ACO2: variants seen among roughly 807,000 people sequenced by gnomAD.
The protein encoded by ACO2 is aconitase 2.
In ACO2, 31 loss-of-function variants were observed where a neutral mutation model predicts 84.5. The observed-to-expected ratio is 0.37, with a 90% CI of 0.28 to 0.50. The LOEUF is 0.50. Among genes scored for constraint, ACO2 ranks in the 20% least tolerant of loss-of-function variants. The pLI is 0.97. For missense variants in ACO2, 685 were observed against 1,029.3 expected (o/e 0.67, Z 4.58); for synonymous variants, 414 against 412.7 (o/e 1.00, Z -0.04).
At chr22:41,490,661 A>G (rs548333479) in intron 1 of ACO2, among the ~76,000 whole-genome samples, 73 of 152,310 alleles carry the variant, frequency 4.8e-4, no homozygotes, top group African/African-American at 1.7e-3. Flanking sequence ...AATATGTATT[A>G]CCTAATTGTC....
intron 1 of ACO2, among the ~76,000 whole-genome samples, chr22:41,481,626 G>A (rs1178573672): frequency 2.0e-5 from 3 of 152,238 alleles, no homozygotes; most frequent in Non-Finnish European, 2.9e-5. Flanking sequence ...GGGGTTGTGG[G>A]GAGTTCTGAG....
At chr22:41,486,907 ACAGT>A (rs889934142) in intron 1 of ACO2, among the ~76,000 whole-genome samples, 2 of 144,356 alleles carry the variant, frequency 1.4e-5, no homozygotes, top group African/African-American at 5.1e-5. Context: ...TTTTTTTGAG[ACAGT>A]CTGTCTCTGT....
chr22:41,508,843 C>T (rs1390876797), intron 3 of ACO2, among the ~76,000 whole-genome samples: 1 of 152,174 alleles, frequency 6.6e-6, no homozygotes, highest in African/African-American at 2.4e-5. Flanking sequence ...CGGGGAGGGG[C>T]GTTGGCAGGA....
intron 3 of ACO2, among the ~76,000 whole-genome samples, chr22:41,508,411 C>T (rs1035775691): frequency 2.6e-5 from 4 of 152,224 alleles, no homozygotes; most frequent in African/African-American, 9.6e-5. Flanking sequence ...TTGCCAGCAT[C>T]CCATTTGCAC....
chr22:41,527,498 T>G, intron 16 of ACO2, 78 bp downstream of exon 16: 1 of 1,534,630 alleles, frequency 6.5e-7, no homozygotes, highest in Non-Finnish European at 8.8e-7. Flanking sequence ...CGTGGCTGAG[T>G]TGGGCCTGGT....
In ACO2 at chr22:41,515,936, C is replaced by T. The variant is rs746549269; in HGVS notation, c.835+19C>T. On this transcript the variant is annotated intron_variant, in intron 6 of 17. Transcript: ENST00000216254. This position sits in a 1 kb window ranked among gnomAD's most constrained non-coding sequence, Gnocchi z 5.8. ...TGCACTGGTGAGGAAGGCGGCCAGG[C>T]GACGTGGCCCCTACCCTGTGCTGGG... is the stretch of plus-strand genomic sequence containing the variant. The T allele has an allele frequency of 4.4e-6, 7 of 1,609,038 alleles. No individual in the cohort carries two copies. In the South Asian group the frequency reaches 4.4e-5, roughly 10 times the overall value.
chr22:41,470,897 T>A (rs1031999151), intron 1 of ACO2, among the ~76,000 whole-genome samples: 1 of 152,216 alleles, frequency 6.6e-6, no homozygotes, highest in African/African-American at 2.4e-5. Context: ...TGTTTCTTCC[T>A]GTCTCATGAT....
At chr22:41,503,952 G>A (rs890184533) in intron 2 of ACO2, among the ~76,000 whole-genome samples, 1 of 152,162 alleles carries the variant, frequency 6.6e-6, no homozygotes, top group African/African-American at 2.4e-5. Flanking sequence ...GGTAGCCCAC[G>A]CCTGTAATCC....
chr22:41,490,210 C>T (rs2066261987), intron 1 of ACO2, among the ~76,000 whole-genome samples: 1 of 152,110 alleles, frequency 6.6e-6, no homozygotes, highest in Non-Finnish European at 1.5e-5. Flanking sequence ...GTAGTCCCAG[C>T]TACTCAGTGG....
Position 41,518,547 on chromosome 22 carries a change from A to G in ACO2, c.1007A>G (p.Gln336Arg). Residue 336 changes from glutamine to arginine, a missense_variant, in exon 8 of 18, where the codon CAA becomes CGA. By Grantham distance (43) the Gln-to-Arg change is conservative. This residue lies in a region of ACO2 where 311 missense variants were observed against 441.6 expected (regional missense o/e 0.70). Transcript: ENST00000216254. ...LVPDPGCHYDQLIEINLSELK... is the reference protein window; with the variant it reads ...LVPDPGCHYDRLIEINLSELK... ...CCTGACCCTGGCTGCCATTATGACC[A>G]ACTAATTGAAATTAACCTCAGTGAG... 1.9e-6 allele frequency: 3 copies of G among 1,613,702 alleles called. No individual in the cohort carries two copies. The highest frequency in any genetic ancestry group is 2.5e-6 in the Non-Finnish European group (3 of 1,179,650).
intron 1 of ACO2, among the ~76,000 whole-genome samples, chr22:41,495,825 T>A (rs1382464380): frequency 6.6e-6 from 1 of 150,548 alleles, no homozygotes; most frequent in Non-Finnish European, 1.5e-5. Context: ...ACTGTCTCCA[T>A]CTCCTGACCT....
rs569483246 is a variant in ACO2, at chr22:41,497,344, C to T, written c.37-2382C>T. Among the ~76,000 whole-genome samples, 601 of 152,188 alleles carry T rather than the reference C, an allele frequency of 3.9e-3. 3 individuals carry two copies. The highest frequency in any genetic ancestry group is 6.9e-3 in the Non-Finnish European group (467 of 67,996). On this transcript the variant is annotated intron_variant, in intron 1 of 17. Transcript: ENST00000216254. ...TCAGCCTCCCAAAGTGCTGGGATTA[C>T]AGGTGTGAACCACTGCACCCGGCCT...
chr22:41,511,855 A>G (rs1279796643), intron 3 of ACO2, 21 bp from the exon 4 acceptor site: 17 of 1,579,088 alleles, frequency 1.1e-5, no homozygotes, highest in East Asian at 4.6e-5. Flanking sequence ...CTAACGCCCA[A>G]TTATTGATTT....
At chr22:41,487,705 A>G (rs2066239324) in intron 1 of ACO2, among the ~76,000 whole-genome samples, 1 of 152,066 alleles carries the variant, frequency 6.6e-6, no homozygotes. Context: ...GAATCATCAA[A>G]TTAACACAGC....
At chr22:41,524,012 A>G (rs906902914) in intron 12 of ACO2, 71 bp downstream of exon 12, 9 of 1,353,908 alleles carry the variant, frequency 6.6e-6, no homozygotes, top group African/African-American at 1.4e-5. Context: ...AGGAGGAGGC[A>G]GAAGGAGATG....
Position 41,528,619 on chromosome 22 carries a change from G to C in ACO2, c.*6G>C. 6.4e-7 allele frequency: 1 copy of C among 1,558,268 alleles called. No individual in the cohort carries two copies. The highest frequency in any genetic ancestry group is 8.6e-7 in the Non-Finnish European group (1 of 1,156,440). On this transcript the variant is annotated 3_prime_UTR_variant, in exon 18 of 18. Transcript: ENST00000216254. ...TGAAGGAACTGCAACAGTGAGGGCAGTGCCTCCCCGCCCCGCCGCTGGCGT... is the reference window on the plus strand; with the variant it reads ...TGAAGGAACTGCAACAGTGAGGGCACTGCCTCCCCGCCCCGCCGCTGGCGT...
At chr22:41,473,043 TG>T (rs1331352970) in intron 1 of ACO2, among the ~76,000 whole-genome samples, 1 of 152,244 alleles carries the variant, frequency 6.6e-6, no homozygotes, top group Non-Finnish European at 1.5e-5. Context: ...TGATTCTGGT[TG>T]TATGGTCACT....
intron 9 of ACO2, 94 bp downstream of exon 9, chr22:41,520,370 T>C (rs2066513935): frequency 3.1e-6 from 3 of 961,862 alleles, no homozygotes; most frequent in Non-Finnish European, 3.1e-6. Context: ...TGTGTGGCAC[T>C]TTCTAAGGTG....
intron 4 of ACO2, among the ~76,000 whole-genome samples, chr22:41,512,559 G>A (rs1398916831): frequency 1.3e-5 from 2 of 152,192 alleles, no homozygotes; most frequent in Admixed American, 6.5e-5. Flanking sequence ...AGTGCCCCAT[G>A]CCACCGTGCT....
Sources: gnomAD v4.1 joint callset for allele counts (sites outside exome capture counted in the v4.1 genomes callset) on GRCh38, gnomAD v4.1.1 for gene constraint, gnomAD v4.1.1 regional missense constraint, Gnocchi (gnomAD v3.1) non-coding constraint, MANE v1.5 for transcripts, NCBI Gene and HGNC (gene_info 2026-07-23, HGNC 2026-07-21) for gene names.